Variants in PHF3 observed in about 807,000 individuals in gnomAD.
PHF3 encodes the protein PHD finger protein 3.
In PHF3, 41 loss-of-function variants were observed where a neutral mutation model predicts 178.4. That is an observed-to-expected ratio of 0.23 (90% CI 0.18 to 0.30). The LOEUF (loss-of-function observed/expected upper bound fraction) is 0.30, where lower values mean the gene tolerates loss of function less well. PHF3 is among the 10% of genes least tolerant of loss of function. The pLI is 1.00. For missense variants in PHF3, 2,346 were observed against 2,398.1 expected, an observed-to-expected ratio of 0.98 and a Z score of 0.45; for synonymous variants, 842 against 800.5, an observed-to-expected ratio of 1.05 and a Z score of -0.88.
intron 13 of PHF3, among the ~76,000 whole-genome samples, chr6:63,708,908 G>A (rs1284595282): frequency 6.6e-6 from 1 of 152,096 alleles, no homozygotes; most frequent in Admixed American, 6.6e-5. Flanking sequence ...GTGAGATTGG[G>A]CATGAACTCA....
intron 2 of PHF3, among the ~76,000 whole-genome samples, chr6:63,673,996 C>T (rs760820802): frequency 6.6e-6 from 1 of 152,074 alleles, no homozygotes; most frequent in Admixed American, 6.6e-5. Context: ...CATTCCTGGG[C>T]AGCCGAATTC....
Position 63,685,229 on chromosome 6 carries a change from A to G in PHF3, c.1507A>G (p.Thr503Ala), listed in dbSNP as rs1464523507. Reference sequence around the variant, plus strand: ...AATTCATTCTAAGCAAAACATGACCACAGATGCTCCGAAGAAAATTGTTGC... The same window carrying G: ...AATTCATTCTAAGCAAAACATGACCGCAGATGCTCCGAAGAAAATTGTTGC... ...PVIHSKQNMTTDAPKKIVAAK... is the reference protein window; with the variant it reads ...PVIHSKQNMTADAPKKIVAAK... The change falls in exon 4 of 16, where the codon ACA becomes GCA. Residue 503 changes from threonine (T) to alanine (A), a missense_variant. Physicochemically the swap from Thr to Ala is moderately conservative, Grantham distance 58 (BLOSUM62 0). Transcript: ENST00000262043. The G allele has an allele frequency of 6.2e-7, 1 of 1,613,868 alleles. No individual in the cohort carries two copies. Among genetic ancestry groups the G allele is most frequent in the African/African-American group, 1.3e-5 (1 of 74,924 alleles).
chr6:63,645,433 G>A (rs1356022786), intron 1 of PHF3, among the ~76,000 whole-genome samples: 1 of 152,140 alleles, frequency 6.6e-6, no homozygotes. Context: ...GTTTTGTACA[G>A]TATGACATAT....
intron 2 of PHF3, among the ~76,000 whole-genome samples, chr6:63,657,444 A>C (rs1194147077): frequency 6.6e-6 from 1 of 152,206 alleles, no homozygotes; most frequent in African/African-American, 2.4e-5. Flanking sequence ...GCTGATTAAC[A>C]CATATTTTGT....
chr6:63,708,720 C>T (rs1197554644), intron 13 of PHF3, among the ~76,000 whole-genome samples: 1 of 152,156 alleles, frequency 6.6e-6, no homozygotes, highest in African/African-American at 2.4e-5. Context: ...CAAAAATACA[C>T]TCTGTAATTA....
Position 63,684,842 on chromosome 6 carries a change from A to T in PHF3, c.1120A>T (p.Asn374Tyr). The T allele has an allele frequency of 6.2e-7, 1 of 1,613,948 alleles. No homozygotes were observed. The highest frequency in any genetic ancestry group is 8.5e-7 in the Non-Finnish European group (1 of 1,179,850). ...TTGTGTAGATGAAGTGACTGAATGTAATTTGGAATTGAAGGATACCATGGG... is the reference window on the plus strand; with the variant it reads ...TTGTGTAGATGAAGTGACTGAATGTTATTTGGAATTGAAGGATACCATGGG... ...PSCVDEVTEC[N>Y]LELKDTMGIA... The change falls in exon 4 of 16, where the codon AAT (asparagine) becomes TAT (tyrosine). Residue 374 changes from asparagine to tyrosine, a missense_variant. Around this residue, in one of 8 missense-constraint regions of PHF3, gnomAD observed 843 missense variants for 795.2 expected, o/e 1.06. Coordinates refer to ENST00000262043, the MANE Select transcript of PHF3 (RefSeq NM_001370348.2).
At chr6:63,646,874 T>C in intron 2 of PHF3, 79 bp downstream of exon 2, 1 of 1,031,422 alleles carries the variant, frequency 9.7e-7, no homozygotes, top group Non-Finnish European at 1.2e-6. Context: ...TTTTTCTTTT[T>C]TCTTTTTTTC....
In PHF3 at chr6:63,709,138, T is replaced by C; in HGVS notation, c.3712-13T>C. The C allele has an allele frequency of 1.4e-6, 2 of 1,445,842 alleles. No homozygotes were observed. Among genetic ancestry groups the C allele is most frequent in the Non-Finnish European group, 1.9e-6 (2 of 1,056,214 alleles). 89.6% of individuals were successfully genotyped at this position (1,445,842 alleles called of 1,614,324 possible). On this transcript the variant is annotated splice_polypyrimidine_tract_variant and intron_variant, in intron 13 of 15. Coordinates refer to ENST00000262043, the MANE Select transcript of PHF3 (RefSeq NM_001370348.2). ...TATATATATTGATCTCTTTTTTTTTTTTTTAACCATAGGACCTACCAGATA... is the reference window on the plus strand; with the variant it reads ...TATATATATTGATCTCTTTTTTTTTCTTTTAACCATAGGACCTACCAGATA...
At chr6:63,666,641 A>G (rs952226731) in intron 2 of PHF3, among the ~76,000 whole-genome samples, 1 of 152,096 alleles carries the variant, frequency 6.6e-6, no homozygotes, top group Non-Finnish European at 1.5e-5. Flanking sequence ...TCTTTGAATT[A>G]TACCTAATAC....
chr6:63,674,007 G>A (rs1051320972), intron 2 of PHF3, among the ~76,000 whole-genome samples: 1 of 152,032 alleles, frequency 6.6e-6, no homozygotes, highest in Non-Finnish European at 1.5e-5. Flanking sequence ...AGCCGAATTC[G>A]TTGCTCTTTT....
In PHF3 at chr6:63,685,457, AC is replaced by A; in HGVS notation, c.1736del (p.Thr579AsnfsTer7). 6.2e-7 allele frequency: 1 copy of A among 1,614,088 alleles called. No homozygotes were observed. Among genetic ancestry groups the A allele is most frequent in the Non-Finnish European group, 8.5e-7 (1 of 1,179,970 alleles). ...KNQAHSVLKKTLQDQTLVQIF... is the reference protein window; with the variant it reads ...KNQAHSVLKKXLQDQTLVQIF... ...CCAAGCTCATTCTGTACTGAAAAAA[AC>A]ATTACAGGATCAAACTTTAGTACAA... is the stretch of plus-strand genomic sequence containing the variant. On this transcript the variant is annotated frameshift_variant, in exon 4 of 16. Transcript: ENST00000262043. LOFTEE classifies it high-confidence loss of function.
chr6:63,682,249 C>T, intron 3 of PHF3, among the ~76,000 whole-genome samples: 1 of 152,024 alleles, frequency 6.6e-6, no homozygotes, highest in East Asian at 1.9e-4. Context: ...AAAGAGCTTT[C>T]AGCCCTTCTA....
intron 13 of PHF3, among the ~76,000 whole-genome samples, chr6:63,707,801 T>C (rs570883678): frequency 6.6e-6 from 1 of 152,210 alleles, no homozygotes; most frequent in East Asian, 1.9e-4. Flanking sequence ...TTCAATGTAA[T>C]ACTGTTTATG....
At position 63,685,915 on chromosome 6, in the gene PHF3, T is replaced by A. The variant is rs1445042777; in HGVS notation, c.2189+4T>A. Reference sequence around the variant, plus strand: ...GCAAAAAACCACATGGCAACAGGTGTGTGTGTATGTGTGTATGAGTGATGT... The same window carrying A: ...GCAAAAAACCACATGGCAACAGGTGAGTGTGTATGTGTGTATGAGTGATGT... On this transcript the variant is annotated splice_donor_region_variant and intron_variant, in intron 4 of 15. Transcript: ENST00000262043. 1.3e-6 allele frequency: 2 copies of A among 1,580,916 alleles called. No homozygotes were observed. Among genetic ancestry groups the A allele is most frequent in the Admixed American group, 1.7e-5 (1 of 58,192 alleles).
intron 1 of PHF3, among the ~76,000 whole-genome samples, chr6:63,645,098 G>GT (rs1340307319): frequency 6.6e-6 from 1 of 151,906 alleles, no homozygotes; most frequent in Non-Finnish European, 1.5e-5. Context: ...TGCCTAGGCT[G>GT]GTCTCCAACT....
At chr6:63,691,594 G>A in intron 4 of PHF3, 143 bp from the exon 5 acceptor site, 3 of 680,168 alleles carry the variant, frequency 4.4e-6, no homozygotes, top group Non-Finnish European at 7.5e-6. Context: ...CTTGCTGTAT[G>A]TTGAACTTAT....
rs550085612 is a variant in PHF3, at chr6:63,711,812, G to A, written c.4224G>A (p.Lys1408=). The stretch of plus-strand genomic sequence containing the variant: ...ATTCTTTTACAACTGTATTACACAA[G>A]CAGAGAAATAAACCTCAGCAGAATC... ...FFNSFTTVLH[K]QRNKPQQNLQ... is the part of the protein sequence containing the mutation. The change falls in exon 16 of 16, where the codon AAG becomes AAA. Residue 1408 remains lysine (K), a synonymous_variant. Transcript: ENST00000262043. The A allele has an allele frequency of 8.7e-5, 140 of 1,613,874 alleles. No homozygotes were observed. In the South Asian group the frequency reaches 1.4e-3, roughly 16 times the overall value.
chr6:63,712,718 T>C lies in PHF3; in HGVS notation c.5130T>C (p.Val1710=). ...GTTCTGCAGAGAAAAACTCGTGTGTTCAGCAGAGTGACAATTTAAAAGTTG... is the reference window on the plus strand; with the variant it reads ...GTTCTGCAGAGAAAAACTCGTGTGTCCAGCAGAGTGACAATTTAAAAGTTG... ...KLCSAEKNSC[V]QQSDNLKVAQ... is the part of the protein sequence containing the mutation. The change falls in exon 16 of 16, where the codon GTT becomes GTC. Residue 1710 remains valine (V), a synonymous_variant. Transcript: ENST00000262043. 1 of 1,613,954 alleles carries C rather than the reference T, an allele frequency of 6.2e-7. No homozygotes were observed. The highest frequency in any genetic ancestry group is 8.5e-7 in the Non-Finnish European group (1 of 1,179,966).
At chr6:63,650,613 ATAG>A (rs1156580464) in intron 2 of PHF3, among the ~76,000 whole-genome samples, 1 of 152,192 alleles carries the variant, frequency 6.6e-6, no homozygotes, top group Non-Finnish European at 1.5e-5. Context: ...ACTATCAGTA[ATAG>A]TGTGATTTAG....
Sources: allele counts gnomAD v4.1 joint callset (sites outside exome capture counted in the v4.1 genomes callset), GRCh38; gene constraint gnomAD v4.1.1; regional missense constraint gnomAD v4.1.1; transcripts MANE v1.5; gene names NCBI Gene and HGNC (gene_info 2026-07-23, HGNC 2026-07-21).